The following CDKAL1 variants were observed in gnomAD, a reference collection of about 807,000 sequenced individuals.
The protein encoded by CDKAL1 is threonylcarbamoyladenosine tRNA methylthiotransferase.
In CDKAL1, 32 loss-of-function variants were observed where a neutral mutation model predicts 68.2. The observed-to-expected ratio is 0.47, with a 90% CI of 0.35 to 0.63. CDKAL1 has a LOEUF of 0.63. Ranked by LOEUF, CDKAL1 falls within the 30% of genes least tolerant of loss-of-function variation. CDKAL1 has a pLI of 0.00. For missense variants in CDKAL1, 606 were observed against 696.7 expected (o/e 0.87, Z 1.47); for synonymous variants, 234 against 244.3 (o/e 0.96, Z 0.39).
At chr6:20,793,653 A>C (rs1775992408) in intron 8 of CDKAL1, among the ~76,000 whole-genome samples, 1 of 151,842 alleles carries the variant, frequency 6.6e-6, no homozygotes, top group South Asian at 2.1e-4. Flanking sequence ...CAAATGTTAC[A>C]TTTGGAATAT....
intron 15 of CDKAL1, among the ~76,000 whole-genome samples, chr6:21,220,189 C>T (rs1161255223): frequency 6.8e-5 from 10 of 146,210 alleles, no homozygotes; most frequent in Non-Finnish European, 1.2e-4. Context: ...TGTTAAAGCT[C>T]GTGCGTGCGT....
At chr6:20,970,168 A>T (rs1037120938) in intron 10 of CDKAL1, among the ~76,000 whole-genome samples, 14 of 152,076 alleles carry the variant, frequency 9.2e-5, no homozygotes, top group Non-Finnish European at 1.6e-4. Flanking sequence ...TTTTTCTGGG[A>T]ATGGGGCTTT....
At chr6:20,575,393 C>T (rs977784828) in intron 4 of CDKAL1, among the ~76,000 whole-genome samples, 3 of 138,234 alleles carry the variant, frequency 2.2e-5, no homozygotes, top group Non-Finnish European at 4.5e-5. Flanking sequence ...CTGTGGTTCC[C>T]AGTCTTGTCA....
chr6:21,019,031 C>T (rs1204628687), intron 11 of CDKAL1, among the ~76,000 whole-genome samples: 2 of 152,166 alleles, frequency 1.3e-5, no homozygotes, highest in African/African-American at 4.8e-5. Context: ...TCCCTGCAAC[C>T]TCCACCTGCC....
intron 4 of CDKAL1, among the ~76,000 whole-genome samples, chr6:20,643,638 T>C (rs1768294579): frequency 1.3e-5 from 2 of 152,148 alleles, no homozygotes; most frequent in Admixed American, 6.5e-5. Flanking sequence ...TTTTAGTGAG[T>C]TTGTTTTCTG....
chr6:20,802,871 T>C (rs910961350), intron 8 of CDKAL1, among the ~76,000 whole-genome samples: 1 of 152,168 alleles, frequency 6.6e-6, no homozygotes, highest in African/African-American at 2.4e-5. Context: ...ACTTTTTTAA[T>C]TGGATTGCAG....
At chr6:21,187,590 A>G (rs935572895) in intron 13 of CDKAL1, among the ~76,000 whole-genome samples, 2 of 152,042 alleles carry the variant, frequency 1.3e-5, no homozygotes, top group Non-Finnish European at 2.9e-5. Flanking sequence ...GTTTTATACC[A>G]TTGGTAATGC....
chr6:20,946,686 C>T (rs1182468213), intron 9 of CDKAL1, among the ~76,000 whole-genome samples: 1 of 151,064 alleles, frequency 6.6e-6, no homozygotes, highest in Non-Finnish European at 1.5e-5. Context: ...CAACCTCCAC[C>T]TCCCGGGTTC....
chr6:20,594,499 A>G (rs777879881), intron 4 of CDKAL1, among the ~76,000 whole-genome samples: 58 of 149,364 alleles, frequency 3.9e-4, no homozygotes, highest in Non-Finnish European at 7.1e-4. Flanking sequence ...TAGGATTGCA[A>G]CCTCTGCTTT....
chr6:20,674,351 C>T (rs1769989366), intron 5 of CDKAL1, among the ~76,000 whole-genome samples: 1 of 152,088 alleles, frequency 6.6e-6, no homozygotes, highest in African/African-American at 2.4e-5. Flanking sequence ...TTTAGTACGT[C>T]CCCCATTAAG....
chr6:20,944,840 T>G (rs879890806), intron 9 of CDKAL1, among the ~76,000 whole-genome samples: 1 of 152,234 alleles, frequency 6.6e-6, no homozygotes, highest in Non-Finnish European at 1.5e-5. Flanking sequence ...TGACATTACC[T>G]GCAAATGTTT....
intron 11 of CDKAL1, among the ~76,000 whole-genome samples, chr6:21,052,302 G>A (rs1372785405): frequency 6.6e-6 from 1 of 151,934 alleles, no homozygotes; most frequent in South Asian, 2.1e-4. Context: ...TGCTCTGAAC[G>A]TAATTCCTTT....
intron 11 of CDKAL1, among the ~76,000 whole-genome samples, chr6:21,020,624 C>T (rs759720187): frequency 1.1e-4 from 16 of 152,082 alleles, no homozygotes; most frequent in Non-Finnish European, 2.1e-4. Context: ...TGCACCACCA[C>T]GCCCAGCTGA....
chr6:20,703,853 C>T (rs189102947), intron 5 of CDKAL1, among the ~76,000 whole-genome samples: 2 of 152,196 alleles, frequency 1.3e-5, no homozygotes, highest in African/African-American at 2.4e-5. Context: ...ATTTTTAATA[C>T]ACAAATGTGT....
Position 20,636,981 on chromosome 6 carries a change from G to A in CDKAL1, c.287-12312G>A, listed in dbSNP as rs936923204. Among the ~76,000 whole-genome samples the A allele has an allele frequency of 4.0e-5, 6 of 149,882 alleles. No individual in the cohort carries two copies. In the South Asian group the frequency reaches 6.3e-4, roughly 16 times the overall value. ...GAACCCGGGAAGCAGAAGTTGCAGT[G>A]AGCGGAAATCGCACCACTGCACTCC... On this transcript the variant is annotated intron_variant, in intron 4 of 15. Transcript: ENST00000274695.
At chr6:20,893,373 A>C (rs1380908599) in intron 9 of CDKAL1, among the ~76,000 whole-genome samples, 1 of 152,146 alleles carries the variant, frequency 6.6e-6, no homozygotes, top group Non-Finnish European at 1.5e-5. Flanking sequence ...TGTATAACTG[A>C]ATGGTTCAAT....
chr6:21,116,527 C>CA, intron 13 of CDKAL1, among the ~76,000 whole-genome samples: 1 of 152,192 alleles, frequency 6.6e-6, no homozygotes, highest in Admixed American at 6.5e-5. Flanking sequence ...GGCAGCAGGG[C>CA]AGGAGAGAAG....
intron 2 of CDKAL1, among the ~76,000 whole-genome samples, chr6:20,536,476 A>G (rs1196702661): frequency 6.6e-6 from 1 of 151,948 alleles, no homozygotes; most frequent in Non-Finnish European, 1.5e-5. Flanking sequence ...CTATCCAGTT[A>G]TCCCAGTGTC....
chr6:20,974,978 C>CAAAAAAAAAAAAAAAAAAAAAAAA (rs11330322), intron 10 of CDKAL1, among the ~76,000 whole-genome samples: 1 of 62,914 alleles, frequency 1.6e-5, no homozygotes. Context: ...GACCCTATCT[C>CAAAAAAAAAAAAAAAAAAAAAAAA]AAAAAAAAAA....
Sources: gnomAD v4.1 joint callset for allele counts (sites outside exome capture counted in the v4.1 genomes callset) on GRCh38, gnomAD v4.1.1 for gene constraint, MANE v1.5 for transcripts, NCBI Gene and HGNC (gene_info 2026-07-23, HGNC 2026-07-21) for gene names.